Variants in DNAH14 observed in about 807,000 individuals in gnomAD.
The protein encoded by DNAH14 is dynein axonemal heavy chain 14, also known as axonemal beta dynein heavy chain 14.
A neutral mutation model predicts 520.9 loss-of-function variants in DNAH14; 478 were observed. That is an observed-to-expected ratio of 0.92 (90% CI 0.85 to 0.99). The LOEUF (loss-of-function observed/expected upper bound fraction) is 0.99, where lower values mean the gene tolerates loss of function less well. Ranked by LOEUF, DNAH14 falls within the 50% of genes least tolerant of loss-of-function variation. The pLI is 0.00. For synonymous variants in DNAH14, 1,581 were observed against 1,757.2 expected, an observed-to-expected ratio of 0.90 and a Z score of 2.51; for missense variants, 4,831 against 5,234.5, an observed-to-expected ratio of 0.92 and a Z score of 2.38.
chr1:225,314,749 A>C (rs770183596), intron 60 of DNAH14, among the ~76,000 whole-genome samples: 11 of 152,220 alleles, frequency 7.2e-5, no homozygotes, highest in Non-Finnish European at 1.3e-4. Flanking sequence ...TTCTTTAAGA[A>C]GGCTGAATAT....
chr1:225,285,711 G>A (rs1249508783), intron 54 of DNAH14, among the ~76,000 whole-genome samples: 4 of 152,092 alleles, frequency 2.6e-5, no homozygotes, highest in Middle Eastern at 3.4e-3. Context: ...TAAAAATTTA[G>A]CCAGGTATGG....
chr1:225,083,748 A>G (rs2073410846), intron 20 of DNAH14, among the ~76,000 whole-genome samples: 1 of 152,138 alleles, frequency 6.6e-6, no homozygotes, highest in Non-Finnish European at 1.5e-5. Context: ...ATACATGCCC[A>G]ACTGATATAC....
At chr1:225,303,999 G>A (rs1414682786) in intron 57 of DNAH14, among the ~76,000 whole-genome samples, 11 of 151,810 alleles carry the variant, frequency 7.2e-5, no homozygotes, top group African/African-American at 2.7e-4. Flanking sequence ...GACAGAGACA[G>A]AGTAGAACCA....
At chr1:225,324,506 A>C (rs2094615399) in intron 63 of DNAH14, among the ~76,000 whole-genome samples, 153 bp downstream of exon 63, 1 of 152,234 alleles carries the variant, frequency 6.6e-6, no homozygotes, top group Admixed American at 6.5e-5. Flanking sequence ...ACTCACACAG[A>C]TGTCAAGTGC....
At chr1:225,213,130 T>G (rs1290976858) in intron 41 of DNAH14, among the ~76,000 whole-genome samples, 1 of 152,234 alleles carries the variant, frequency 6.6e-6, no homozygotes, top group African/African-American at 2.4e-5. Flanking sequence ...TACATATGGC[T>G]AGCGAGTTTT....
intron 71 of DNAH14, among the ~76,000 whole-genome samples, chr1:225,350,341 A>C (rs2406110): frequency 0.6 from 90,448 of 151,754 alleles, 28,063 homozygotes; most frequent in East Asian, 0.76. Flanking sequence ...GTGTACTTAA[A>C]TTTTACCTCA....
At chr1:225,344,618 C>A (rs1241677257) in intron 69 of DNAH14, among the ~76,000 whole-genome samples, 1 of 152,126 alleles carries the variant, frequency 6.6e-6, no homozygotes, top group African/African-American at 2.4e-5. Context: ...TTTTCTTCAT[C>A]CAGTCTATCA....
At chr1:225,030,637 T>C (rs2066455990) in intron 11 of DNAH14, among the ~76,000 whole-genome samples, 1 of 151,906 alleles carries the variant, frequency 6.6e-6, no homozygotes. Context: ...AGACTAATCT[T>C]CCTCCAGACA....
At chr1:225,364,447 G>C (rs183044148) in intron 75 of DNAH14, among the ~76,000 whole-genome samples, 1 of 151,924 alleles carries the variant, frequency 6.6e-6, no homozygotes, top group East Asian at 1.9e-4. Context: ...TTTTATTCAA[G>C]GATTATAATT....
chr1:225,277,640 T>G, intron 54 of DNAH14, 138 bp downstream of exon 54: 1 of 373,818 alleles, frequency 2.7e-6, no homozygotes. Flanking sequence ...GGCAGGACTC[T>G]TGTCCTCTCT....
intron 17 of DNAH14, among the ~76,000 whole-genome samples, chr1:225,077,152 T>C (rs987358904): frequency 1.3e-5 from 2 of 152,266 alleles, no homozygotes; most frequent in African/African-American, 4.8e-5. Context: ...CAAATGCTTA[T>C]TCATTACATC....
intron 84 of DNAH14, chr1:225,397,705 T>C (rs1302302214): frequency 6.6e-6 from 1 of 152,200 alleles, no homozygotes; most frequent in Non-Finnish European, 1.5e-5. Context: ...TACTTAACCC[T>C]TTATCATTAA....
rs919063116 is a variant in DNAH14 at position 225,131,296 on chromosome 1, C to T, written c.4254+7682C>T. Reference sequence around the variant, plus strand: ...TTCAGTAGGTTAGAAGGCCAACCCACAGGTCTCTGTGGGCTAAGATCAAGG... The same window carrying T: ...TTCAGTAGGTTAGAAGGCCAACCCATAGGTCTCTGTGGGCTAAGATCAAGG... On this transcript the variant is annotated intron_variant, in intron 27 of 85. Transcript: ENST00000682510. Among the ~76,000 whole-genome samples, 8 of 152,298 alleles carry T rather than the reference C, an allele frequency of 5.3e-5. No homozygotes were observed. The East Asian group carries it at 5.8e-4, about 11-fold the overall frequency.
chr1:225,075,991 A>AGCCTTGGTCAACAGATGGGAAG (rs372178554), intron 17 of DNAH14, among the ~76,000 whole-genome samples: 1 of 152,006 alleles, frequency 6.6e-6, no homozygotes, highest in African/African-American at 2.4e-5. Context: ...TGGCTGGTCC[A>AGCCTTGGTCAACAGATGGGAAG]GCCTAGGGCC....
At chr1:225,274,993 C>G (rs2093431218) in intron 52 of DNAH14, among the ~76,000 whole-genome samples, 1 of 152,176 alleles carries the variant, frequency 6.6e-6, no homozygotes, top group Non-Finnish European at 1.5e-5. Context: ...ATTCATAACA[C>G]CCTATGATAT....
At chr1:225,040,327 C>T (rs1475588171) in intron 12 of DNAH14, among the ~76,000 whole-genome samples, 3 of 152,174 alleles carry the variant, frequency 2.0e-5, no homozygotes, top group Non-Finnish European at 4.4e-5. Flanking sequence ...ATACAACATA[C>T]ACACTATGTA....
chr1:225,009,950 C>T (rs2064563334), intron 10 of DNAH14, among the ~76,000 whole-genome samples: 1 of 152,130 alleles, frequency 6.6e-6, no homozygotes, highest in Non-Finnish European at 1.5e-5. Context: ...GATTTTGTAT[C>T]CTGAGACTTT....
At chr1:225,226,738 G>T (rs557225283) in intron 41 of DNAH14, among the ~76,000 whole-genome samples, 1 of 152,136 alleles carries the variant, frequency 6.6e-6, no homozygotes, top group Non-Finnish European at 1.5e-5. Context: ...AGCAAGTGAG[G>T]ACCTGCACTG....
At chr1:225,280,313 A>G (rs2093598059) in intron 54 of DNAH14, among the ~76,000 whole-genome samples, 1 of 152,162 alleles carries the variant, frequency 6.6e-6, no homozygotes, top group South Asian at 2.1e-4. Flanking sequence ...AAGAAGTTCA[A>G]TCACAGCTGG....
Sources: allele counts gnomAD v4.1 joint callset (sites outside exome capture counted in the v4.1 genomes callset), GRCh38; gene constraint gnomAD v4.1.1; transcripts MANE v1.5; gene names NCBI Gene and HGNC (gene_info 2026-07-23, HGNC 2026-07-21).